The following RHBDD1 variants were observed in gnomAD, a reference collection of about 807,000 sequenced individuals.
RHBDD1 encodes the protein rhomboid domain containing 1.
In RHBDD1, 38 loss-of-function variants were observed where a neutral mutation model predicts 36.3. That is an observed-to-expected ratio of 1.05 (90% CI 0.81 to 1.37). The LOEUF (loss-of-function observed/expected upper bound fraction) is 1.37. RHBDD1 is among the 40% of genes most tolerant of loss of function. The pLI is 0.00. For synonymous variants in RHBDD1, 151 were observed against 136.5 expected, an observed-to-expected ratio of 1.11 and a Z score of -0.74; for missense variants, 393 against 377.6, an observed-to-expected ratio of 1.04 and a Z score of -0.34.
chr2:226,947,507 CT>C (rs1951066737), intron 8 of RHBDD1, among the ~76,000 whole-genome samples: 1 of 151,950 alleles, frequency 6.6e-6, no homozygotes, highest in Admixed American at 6.6e-5. Flanking sequence ...TGACTGTAGC[CT>C]TGTAGTATAG....
chr2:226,962,221 T>C (rs549570966), intron 8 of RHBDD1, among the ~76,000 whole-genome samples: 14 of 152,264 alleles, frequency 9.2e-5, no homozygotes, highest in Admixed American at 9.2e-4. Context: ...AAAGAAAAAA[T>C]AGCAAATTCA....
In RHBDD1 at chr2:226,869,319, A is replaced by G. The variant is rs114626805; in HGVS notation, c.566+2001A>G. The G allele has an allele frequency of 1.3e-3, 419 of 318,050 alleles. 4 individuals are homozygous for G. The highest frequency in any genetic ancestry group is 8.7e-3 in the African/African-American group (387 of 44,464). 19.7% of individuals were successfully genotyped at this position (318,050 alleles called of 1,614,324 possible). A position where few individuals can be genotyped will look rare whatever the true frequency, so the allele number is the denominator to read the frequency against. ...TTGAATGATAAACTTCTAATATACA[A>G]GCATCTACTTACACATGTATCCAAA... On this transcript the variant is annotated intron_variant, in intron 5 of 8. Coordinates refer to ENST00000392062, the MANE Select transcript of RHBDD1 (RefSeq NM_001167608.3).
intron 3 of RHBDD1, among the ~76,000 whole-genome samples, chr2:226,857,912 T>C (rs1308122730): frequency 6.6e-6 from 1 of 152,176 alleles, no homozygotes; most frequent in Non-Finnish European, 1.5e-5. Flanking sequence ...AAGATTGAAT[T>C]TTATGGTATG....
chr2:226,966,770 A>G (rs1952663695), intron 8 of RHBDD1, among the ~76,000 whole-genome samples: 5 of 152,078 alleles, frequency 3.3e-5, no homozygotes, highest in South Asian at 4.1e-4. Context: ...GACTCAAGCA[A>G]TCCTCCCACT....
chr2:226,942,588 G>A, intron 8 of RHBDD1: 1 of 331,432 alleles, frequency 3.0e-6, no homozygotes. Flanking sequence ...GGTATGTGTG[G>A]CCACTATTGA....
At chr2:226,834,210 G>A (rs1445943525), upstream of RHBDD1, among the ~76,000 whole-genome samples, 3 of 152,200 alleles carry the variant, frequency 2.0e-5, no homozygotes, top group African/African-American at 7.2e-5. Context: ...GAGTGATGGA[G>A]AATAGAAGAT....
chr2:226,974,289 G>A (rs985003477), intron 8 of RHBDD1, among the ~76,000 whole-genome samples: 1 of 151,812 alleles, frequency 6.6e-6, no homozygotes, highest in Non-Finnish European at 1.5e-5. Context: ...CCAGGCTGGA[G>A]TGCAGTGGTG....
chr2:226,905,861 T>C (rs939866819), intron 5 of RHBDD1, among the ~76,000 whole-genome samples: 8 of 151,930 alleles, frequency 5.3e-5, no homozygotes, highest in African/African-American at 1.9e-4. Context: ...CCCAGAAAAG[T>C]CTAGTTTAAG....
intron 5 of RHBDD1, among the ~76,000 whole-genome samples, chr2:226,892,846 A>G (rs1946798879): frequency 6.6e-6 from 1 of 151,408 alleles, no homozygotes; most frequent in African/African-American, 2.4e-5. Context: ...CACTAAACAG[A>G]AAAAAAAACC....
At chr2:226,957,276 G>A (rs1291282288) in intron 8 of RHBDD1, among the ~76,000 whole-genome samples, 1 of 152,168 alleles carries the variant, frequency 6.6e-6, no homozygotes, top group Non-Finnish European at 1.5e-5. Context: ...AAATGTAAGA[G>A]CTAACACTCG....
chr2:226,939,965 T>C (rs1950564326), intron 8 of RHBDD1, among the ~76,000 whole-genome samples: 2 of 151,874 alleles, frequency 1.3e-5, no homozygotes, highest in Non-Finnish European at 2.9e-5. Flanking sequence ...TAAGACTGTG[T>C]ACACCTACAA....
At position 226,896,995 on chromosome 2, in the gene RHBDD1, G is replaced by A. The variant is rs532553284; in HGVS notation, c.567-9798G>A. ...TCTTTGTATTTTCAGTAGAGATGGG[G>A]TTTCACCATGTTGACCAGGCTGGTC... On this transcript the variant is annotated intron_variant, in intron 5 of 8. Coordinates refer to ENST00000392062, the MANE Select transcript of RHBDD1 (RefSeq NM_001167608.3). Among the ~76,000 whole-genome samples the A allele has an allele frequency of 6.6e-5, 10 of 152,236 alleles. No homozygotes were observed. The South Asian group carries it at 2.1e-3, about 32-fold the overall frequency.
the RHBDD1 span, among the ~76,000 whole-genome samples, chr2:226,807,877 G>A: frequency 2.8e-3 from 423 of 152,262 alleles, 1 homozygote; most frequent in Non-Finnish European, 4.6e-3. Context: ...AGGCGGGCAT[G>A]GTGGCAGGCA....
chr2:226,950,340 T>C (rs1951334251), intron 8 of RHBDD1, among the ~76,000 whole-genome samples: 1 of 152,206 alleles, frequency 6.6e-6, no homozygotes, highest in Non-Finnish European at 1.5e-5. Context: ...TGTCCTCCAG[T>C]TTCCTCCACG....
At chr2:226,831,910 C>G (rs1574702842), upstream of RHBDD1, among the ~76,000 whole-genome samples, 1 of 146,842 alleles carries the variant, frequency 6.8e-6, no homozygotes, top group African/African-American at 2.5e-5. Context: ...TAATTTTGGT[C>G]TTTTTAATTT....
chr2:226,840,304 T>TCTACGTGATGGATCTACGTGA (rs1456865895), intron 3 of RHBDD1, among the ~76,000 whole-genome samples: 1 of 152,184 alleles, frequency 6.6e-6, no homozygotes. Context: ...CAAGAGACCT[T>TCTACGTGATGGATCTACGTGA]TGGGATCTAC....
intron 8 of RHBDD1, among the ~76,000 whole-genome samples, chr2:226,980,211 G>A (rs1016336438): frequency 6.6e-6 from 1 of 152,110 alleles, no homozygotes; most frequent in African/African-American, 2.4e-5. Flanking sequence ...GAAAATTGAG[G>A]ATCAGTGAAT....
At chr2:226,891,394 C>G (rs1183222470) in intron 5 of RHBDD1, among the ~76,000 whole-genome samples, 1 of 152,182 alleles carries the variant, frequency 6.6e-6, no homozygotes, top group Non-Finnish European at 1.5e-5. Context: ...GCTAGTGAGG[C>G]AGAAATTACA....
chr2:226,881,670 A>G (rs1222057121), intron 5 of RHBDD1, among the ~76,000 whole-genome samples: 1 of 152,046 alleles, frequency 6.6e-6, no homozygotes, highest in East Asian at 1.9e-4. Flanking sequence ...GACTTTCTGT[A>G]TGTTTATTCT....
Sources: allele counts gnomAD v4.1 joint callset (sites outside exome capture counted in the v4.1 genomes callset), GRCh38; gene constraint gnomAD v4.1.1; transcripts MANE v1.5; gene names NCBI Gene and HGNC (gene_info 2026-07-23, HGNC 2026-07-21).